The following KDM6A variants were observed in gnomAD, a reference collection of about 807,000 sequenced individuals.
KDM6A encodes the protein lysine demethylase 6A, also known as lysine-specific demethylase 6A.
In KDM6A, 11 loss-of-function variants were observed where a neutral mutation model predicts 117.6. The ratio of observed to expected loss-of-function variants is 0.09; its 90% confidence interval spans 0.06 to 0.15. The LOEUF (loss-of-function observed/expected upper bound fraction) is 0.15, where lower values mean the gene tolerates loss of function less well. Ranked by LOEUF, KDM6A falls within the 10% of genes least tolerant of loss-of-function variation. The pLI, the probability that KDM6A is intolerant of heterozygous loss-of-function variation, is 1.00. For missense variants in KDM6A, 799 were observed against 1,077.3 expected, an observed-to-expected ratio of 0.74 and a Z score of 3.62; for synonymous variants, 384 against 396.1, an observed-to-expected ratio of 0.97 and a Z score of 0.36.
chrX:44,995,320 A>C (rs905204462), intron 4 of KDM6A, among the ~76,000 whole-genome samples: 2 of 110,825 alleles, frequency 1.8e-5, no homozygotes, highest in African/African-American at 6.6e-5. Flanking sequence ...ATTTATAAAG[A>C]TCCTTTTAAA....
intron 4 of KDM6A, among the ~76,000 whole-genome samples, chrX:44,984,377 T>C (rs142395512): frequency 0.12 from 12,801 of 110,948 alleles, 886 homozygotes; most frequent in African/African-American, 0.25. Context: ...TTCACTCTGA[T>C]GGTAGTTTCT....
intron 27 of KDM6A, among the ~76,000 whole-genome samples, chrX:45,096,913 T>C (rs1424419581): frequency 1.8e-5 from 2 of 111,677 alleles, no homozygotes; most frequent in Non-Finnish European, 3.8e-5. Context: ...CATGCACACA[T>C]ATATTAATTG....
At chrX:44,915,442 A>T (rs970097034) in intron 2 of KDM6A, among the ~76,000 whole-genome samples, 6 of 111,781 alleles carry the variant, frequency 5.4e-5, no homozygotes, top group African/African-American at 2.0e-4. Flanking sequence ...TCCCTGTTGG[A>T]GATAAGAAAT....
At chrX:44,967,221 C>G (rs189806489) in intron 3 of KDM6A, among the ~76,000 whole-genome samples, 2 of 111,270 alleles carry the variant, frequency 1.8e-5, no homozygotes, top group Non-Finnish European at 3.8e-5. Flanking sequence ...AAGTCCAAAA[C>G]TAGAATCTGT....
rs750450296 is a variant in KDM6A at position 44,911,026 on chromosome X, C to T, written c.225+37039C>T. 1.4e-4 allele frequency among the ~76,000 whole-genome samples: 15 copies of T among 110,416 alleles called. No individual in the cohort carries two copies. In the South Asian group the frequency reaches 4.5e-3, roughly 33 times the overall value. On this transcript the variant is annotated intron_variant, in intron 2 of 29. Transcript: ENST00000611820. The stretch of plus-strand genomic sequence containing the variant: ...TGAGCTGTTGGGTACACCTCCCAGA[C>T]GGGGTGGCGGCCGGGCAGAGGGGCT...
chrX:44,906,671 A>ATG (rs1174084167), intron 2 of KDM6A, among the ~76,000 whole-genome samples: 1 of 109,583 alleles, frequency 9.1e-6, no homozygotes, highest in Admixed American at 9.7e-5. Flanking sequence ...ATGTGTGTGT[A>ATG]TGTGTGTGTA....
At chrX:45,024,674 T>C (rs1486616051) in intron 6 of KDM6A, among the ~76,000 whole-genome samples, 4 of 111,288 alleles carry the variant, frequency 3.6e-5, no homozygotes, top group African/African-American at 1.3e-4. Context: ...TCTTTGTTTT[T>C]GTTGCATTTG....
intron 2 of KDM6A, among the ~76,000 whole-genome samples, chrX:44,915,434 C>G (rs1022611304): frequency 2.7e-5 from 3 of 111,724 alleles, no homozygotes; most frequent in Non-Finnish European, 5.6e-5. Context: ...CTGTATTCTC[C>G]CTGTTGGAGA....
chrX:45,039,432 G>A (rs1266586017), intron 8 of KDM6A, among the ~76,000 whole-genome samples: 2 of 107,962 alleles, frequency 1.9e-5, no homozygotes, highest in African/African-American at 6.7e-5. Flanking sequence ...GGAGTTGTCT[G>A]TTGGTCTTAC....
intron 2 of KDM6A, among the ~76,000 whole-genome samples, chrX:44,909,237 C>T (rs1032755431): frequency 8.9e-6 from 1 of 111,992 alleles, no homozygotes; most frequent in African/African-American, 3.2e-5. Context: ...CTCAACAACA[C>T]ATTTGAGATT....
At chrX:45,103,959 T>G (rs888169622) in intron 27 of KDM6A, among the ~76,000 whole-genome samples, 2 of 112,475 alleles carry the variant, frequency 1.8e-5, no homozygotes, top group South Asian at 3.7e-4. Flanking sequence ...AATAGCATTT[T>G]CCATCTTCTA....
At chrX:45,048,569 G>A (rs752320963) in intron 8 of KDM6A, among the ~76,000 whole-genome samples, 1 of 110,380 alleles carries the variant, frequency 9.1e-6, no homozygotes, top group East Asian at 2.8e-4. Context: ...ACTCTTTATG[G>A]TAGCCTCAAA....
chrX:44,931,647 C>CTAA (rs979790895), intron 2 of KDM6A, among the ~76,000 whole-genome samples: 12 of 111,018 alleles, frequency 1.1e-4, no homozygotes, highest in Non-Finnish European at 1.9e-5. Flanking sequence ...TATGAAGCAT[C>CTAA]TAAAGTAGTC....
chrX:45,020,476 A>G, intron 5 of KDM6A, 134 bp from the exon 6 acceptor site: 1 of 665,627 alleles, frequency 1.5e-6, no homozygotes, highest in Non-Finnish European at 2.3e-6. Flanking sequence ...TTTAGTATTT[A>G]TTAACATCAT....
chrX:45,027,892 C>T (rs1348965120), intron 6 of KDM6A, among the ~76,000 whole-genome samples: 7 of 109,810 alleles, frequency 6.4e-5, no homozygotes, highest in Non-Finnish European at 1.3e-4. Context: ...CTGCCAGGTT[C>T]AGGTGATTCT....
At position 45,107,698 on chromosome X, in the gene KDM6A, C is replaced by T. The variant is rs963197306; in HGVS notation, c.4161+162C>T. ...GTTGCTTAGCCATTATATTAAAATT[C>T]AGTGTGATAATAATGATATTTCACT... On this transcript the variant is annotated intron_variant, in intron 28 of 29. Coordinates refer to ENST00000611820, the MANE Select transcript of KDM6A (RefSeq NM_001291415.2). 2.7e-5 allele frequency among the ~76,000 whole-genome samples: 3 copies of T among 111,935 alleles called. No homozygotes were observed. In the Admixed American group the frequency reaches 2.9e-4, roughly 11 times the overall value.
intron 2 of KDM6A, among the ~76,000 whole-genome samples, chrX:44,906,192 TCA>T (rs2034646183): frequency 9.0e-6 from 1 of 111,721 alleles, no homozygotes; most frequent in Non-Finnish European, 1.9e-5. Flanking sequence ...TCTCTGTAGC[TCA>T]GGCTGGAGTG....
chrX:44,973,630 C>G (rs777577440), intron 3 of KDM6A, among the ~76,000 whole-genome samples: 1 of 110,856 alleles, frequency 9.0e-6, no homozygotes, highest in South Asian at 3.8e-4. Flanking sequence ...CAAGTCATAG[C>G]CTTCTTTTCT....
chrX:45,080,935 TG>T (rs2148131894), intron 21 of KDM6A, among the ~76,000 whole-genome samples: 1 of 112,063 alleles, frequency 8.9e-6, no homozygotes, highest in Admixed American at 9.4e-5. Flanking sequence ...CTTGGGGTTT[TG>T]TTGTTGTTTT....
Sources: gnomAD v4.1 joint callset for allele counts (sites outside exome capture counted in the v4.1 genomes callset) on GRCh38, gnomAD v4.1.1 for gene constraint, MANE v1.5 for transcripts, NCBI Gene and HGNC (gene_info 2026-07-23, HGNC 2026-07-21) for gene names.